The following KIAA1217 variants were observed in gnomAD, a reference collection of about 807,000 sequenced individuals.
The protein encoded by KIAA1217 is KIAA1217.
A neutral mutation model predicts 163.9 loss-of-function variants in KIAA1217; 88 were observed. That is an observed-to-expected ratio of 0.54 (90% CI 0.45 to 0.64). The LOEUF (loss-of-function observed/expected upper bound fraction) is 0.64, where lower values mean the gene tolerates loss of function less well. KIAA1217 is among the 30% of genes least tolerant of loss of function. KIAA1217 has a pLI of 0.00. For missense variants in KIAA1217, 2,372 were observed against 2,475.0 expected (o/e 0.96, Z 0.88); for synonymous variants, 903 against 923.1 (o/e 0.98, Z 0.39).
chr10:24,350,372 G>A (rs2048309551), intron 2 of KIAA1217, among the ~76,000 whole-genome samples: 3 of 152,288 alleles, frequency 2.0e-5, no homozygotes, highest in Middle Eastern at 3.4e-3. Context: ...GGTTTAGATC[G>A]TGAACTACCC....
rs142336505 is a variant in KIAA1217, at chr10:24,432,517, G to A, written c.554-478G>A. ...ATTACTTAGGCTGGAGTGCAGTGGC[G>A]CAATCATAGCTCACTGCAGCCTGCA... is the stretch of plus-strand genomic sequence containing the variant. On this transcript the variant is annotated intron_variant, in intron 3 of 20. Transcript: ENST00000376454. Among the ~76,000 whole-genome samples, 410 of 151,940 alleles carry A rather than the reference G, an allele frequency of 2.7e-3. 4 individuals are homozygous for A. The highest frequency in any genetic ancestry group is 9.2e-3 in the African/African-American group (380 of 41,458).
chr10:24,110,099 G>T (rs187115704), intron 2 of KIAA1217, among the ~76,000 whole-genome samples: 4 of 152,338 alleles, frequency 2.6e-5, no homozygotes, highest in African/African-American at 7.2e-5. Context: ...AACTATAGAT[G>T]AGAATGGACT....
chr10:24,185,687 C>T (rs932251409), intron 2 of KIAA1217, among the ~76,000 whole-genome samples: 18 of 151,938 alleles, frequency 1.2e-4, no homozygotes, highest in African/African-American at 3.4e-4. Context: ...TGCAGCTACT[C>T]GGGAGGTTGA....
At chr10:24,466,573 T>C in intron 5 of KIAA1217, 1 of 985,330 alleles carries the variant, frequency 1.0e-6, no homozygotes. Flanking sequence ...TAATACGAAA[T>C]GGTCTTTATT....
chr10:24,458,299 C>T (rs967100729), intron 5 of KIAA1217, among the ~76,000 whole-genome samples: 3 of 152,182 alleles, frequency 2.0e-5, no homozygotes, highest in African/African-American at 4.8e-5. Flanking sequence ...GAAGGTATTC[C>T]TTTGAAATGG....
chr10:23,979,723 C>T (rs1420886628), intron 1 of KIAA1217, among the ~76,000 whole-genome samples: 1 of 152,066 alleles, frequency 6.6e-6, no homozygotes, highest in African/African-American at 2.4e-5. Context: ...CAATTGATAC[C>T]GTAGTGTGGA....
At chr10:24,370,956 A>C (rs957062817) in intron 2 of KIAA1217, among the ~76,000 whole-genome samples, 2 of 152,204 alleles carry the variant, frequency 1.3e-5, no homozygotes, top group African/African-American at 2.4e-5. Context: ...CGTATTTCTG[A>C]AAGGGGTGAA....
chr10:23,894,991 C>T (rs548293200), intron 1 of KIAA1217, among the ~76,000 whole-genome samples: 1 of 152,126 alleles, frequency 6.6e-6, no homozygotes, highest in Non-Finnish European at 1.5e-5. Flanking sequence ...AAAATTAATT[C>T]AAGATTGATT....
At chr10:24,092,928 TTG>T (rs72267704) in intron 2 of KIAA1217, among the ~76,000 whole-genome samples, 446 of 140,792 alleles carry the variant, frequency 3.2e-3, no homozygotes, top group Non-Finnish European at 4.1e-3. Flanking sequence ...TGTGTGTGTG[TTG>T]TGTGTGTGTG....
At chr10:24,007,979 A>G (rs1847071672) in intron 2 of KIAA1217, among the ~76,000 whole-genome samples, 1 of 152,148 alleles carries the variant, frequency 6.6e-6, no homozygotes, top group African/African-American at 2.4e-5. Context: ...ATTAATCCCC[A>G]ACTTTAGCAT....
chr10:24,132,943 G>A (rs186609509), intron 2 of KIAA1217, among the ~76,000 whole-genome samples: 279 of 152,268 alleles, frequency 1.8e-3, no homozygotes, highest in Non-Finnish European at 2.7e-3. Flanking sequence ...AAATCTGGAG[G>A]AAGTTACACC....
intron 9 of KIAA1217, among the ~76,000 whole-genome samples, chr10:24,510,226 A>T (rs955187445): frequency 1.3e-5 from 2 of 152,206 alleles, no homozygotes; most frequent in Non-Finnish European, 2.9e-5. Context: ...CACCCTGAGC[A>T]TGTCCTTTGA....
At chr10:23,937,324 C>G (rs1401231857) in intron 1 of KIAA1217, among the ~76,000 whole-genome samples, 1 of 152,118 alleles carries the variant, frequency 6.6e-6, no homozygotes, top group Non-Finnish European at 1.5e-5. Flanking sequence ...AGCATGGGGA[C>G]ACAAACAAAC....
intron 2 of KIAA1217, among the ~76,000 whole-genome samples, chr10:24,284,385 A>T (rs2078313220): frequency 6.6e-6 from 1 of 151,074 alleles, no homozygotes; most frequent in Non-Finnish European, 1.5e-5. Context: ...TCTCCCTCCC[A>T]CTCTTCCCCC....
chr10:24,537,943 A>G (rs962523324), intron 17 of KIAA1217, among the ~76,000 whole-genome samples: 3 of 152,218 alleles, frequency 2.0e-5, no homozygotes, highest in Non-Finnish European at 2.9e-5. Flanking sequence ...AGATATAAAG[A>G]CATCTTACTT....
At position 23,790,308 on chromosome 10, in the gene KIAA1217, T is replaced by TATATACATATGC. The variant is rs1835754882; in HGVS notation, c.-321+95076_-321+95087dup. The stretch of plus-strand genomic sequence containing the variant: ...GCACATATGCATATGCACATATGCA[T>TATATACATATGC]ATATACATATGCACATATGCATATA... On this transcript the variant is annotated intron_variant, in intron 1 of 18. Coordinates refer to the KIAA1217 transcript ENST00000376462. 1.8e-5 allele frequency among the ~76,000 whole-genome samples: 2 copies of TATATACATATGC among 109,334 alleles called. 1 individual carries two copies. Among genetic ancestry groups the TATATACATATGC allele is most frequent in the Admixed American group, 1.9e-4 (2 of 10,742 alleles). 71.7% of individuals were successfully genotyped at this position (109,334 alleles called of 152,430 possible).
chr10:24,118,587 G>C (rs928733895), intron 2 of KIAA1217, among the ~76,000 whole-genome samples: 1 of 152,212 alleles, frequency 6.6e-6, no homozygotes, highest in Non-Finnish European at 1.5e-5. Context: ...GAAGAGAAAT[G>C]TCACAAGGAA....
chr10:23,846,780 G>C (rs1478093834), intron 1 of KIAA1217, among the ~76,000 whole-genome samples: 1 of 152,092 alleles, frequency 6.6e-6, no homozygotes, highest in Non-Finnish European at 1.5e-5. Flanking sequence ...TGTTGAATAG[G>C]AGTGGTGAGA....
At chr10:24,023,088 A>G (rs1261301363) in intron 2 of KIAA1217, among the ~76,000 whole-genome samples, 6 of 151,740 alleles carry the variant, frequency 4.0e-5, no homozygotes, top group Non-Finnish European at 8.9e-5. Context: ...TAAGACAAGA[A>G]TAAGAAGCAT....
Sources: allele counts gnomAD v4.1 joint callset (sites outside exome capture counted in the v4.1 genomes callset), GRCh38; gene constraint gnomAD v4.1.1; transcripts MANE v1.5; gene names NCBI Gene and HGNC (gene_info 2026-07-23, HGNC 2026-07-21).